Variants in DIAPH3 observed in about 807,000 individuals in gnomAD.
DIAPH3 encodes protein diaphanous homolog 3.
In DIAPH3, 117 loss-of-function variants were observed where a neutral mutation model predicts 144.3. The observed-to-expected ratio is 0.81, with a 90% CI of 0.70 to 0.95. DIAPH3 has a LOEUF of 0.95. DIAPH3 is among the 40% of genes least tolerant of loss of function. DIAPH3 has a pLI of 0.00. For missense variants in DIAPH3, 1,421 were observed against 1,412.7 expected (o/e 1.01, Z -0.09); for synonymous variants, 519 against 488.9 (o/e 1.06, Z -0.81).
chr13:60,137,921 G>A (rs1016140980), intron 1 of DIAPH3, among the ~76,000 whole-genome samples: 5 of 151,546 alleles, frequency 3.3e-5, no homozygotes, highest in South Asian at 2.1e-4. Context: ...ACAGGGTTTC[G>A]CCATGTTGGC....
At chr13:60,126,322 A>T (rs910618642) in intron 2 of DIAPH3, among the ~76,000 whole-genome samples, 15 of 152,234 alleles carry the variant, frequency 9.9e-5, no homozygotes, top group Non-Finnish European at 1.9e-4. Flanking sequence ...GCATATGATT[A>T]TATCAAGTAG....
Position 59,975,557 on chromosome 13 carries a change from G to A in DIAPH3, c.1546-1101C>T, listed in dbSNP as rs148418944. ...TTTTTTGGAGCAGTTTTAGGTTCAC[G>A]GCAAAACTGAGCAGAAAATAGAGAT... On this transcript the variant is annotated intron_variant, in intron 14 of 27. Transcript: ENST00000400324. Among the ~76,000 whole-genome samples, 566 of 151,900 alleles carry A rather than the reference G, an allele frequency of 3.7e-3. 2 individuals carry two copies. The highest frequency in any genetic ancestry group is 0.012 in the African/African-American group (496 of 41,432).
At chr13:59,988,937 TC>T (rs2140789250) in intron 12 of DIAPH3, among the ~76,000 whole-genome samples, 1 of 151,980 alleles carries the variant, frequency 6.6e-6, no homozygotes, top group African/African-American at 2.4e-5. Flanking sequence ...TATTCTCCAA[TC>T]GAATTCCATT....
intron 20 of DIAPH3, among the ~76,000 whole-genome samples, chr13:59,891,373 A>C (rs976413191): frequency 4.6e-5 from 7 of 151,932 alleles, no homozygotes; most frequent in Non-Finnish European, 1.0e-4. Context: ...TGTGCCATAA[A>C]ATTTCAACAC....
chr13:60,128,200 G>A (rs954874000), intron 2 of DIAPH3, among the ~76,000 whole-genome samples: 27 of 152,096 alleles, frequency 1.8e-4, no homozygotes, highest in African/African-American at 6.3e-4. Flanking sequence ...TAAGGATAAT[G>A]GCCTCCAGCT....
chr13:59,906,928 T>C (rs1209316746), intron 20 of DIAPH3, among the ~76,000 whole-genome samples: 1 of 152,152 alleles, frequency 6.6e-6, no homozygotes, highest in Non-Finnish European at 1.5e-5. Flanking sequence ...TAATAGCTTA[T>C]TGATCAAAGA....
chr13:59,747,650 A>G (rs1385438682), intron 27 of DIAPH3, among the ~76,000 whole-genome samples: 2 of 152,288 alleles, frequency 1.3e-5, no homozygotes, highest in African/African-American at 4.8e-5. Flanking sequence ...TAACCTCATG[A>G]GCACCCAGAC....
At chr13:59,927,721 C>T (rs1009324034) in intron 17 of DIAPH3, among the ~76,000 whole-genome samples, 34 of 152,128 alleles carry the variant, frequency 2.2e-4, no homozygotes, top group Non-Finnish European at 4.4e-5. Context: ...CTCTCCTAGT[C>T]TGTAAATTTT....
intron 1 of DIAPH3, among the ~76,000 whole-genome samples, chr13:60,156,162 G>A (rs1171074502): frequency 6.6e-6 from 1 of 152,162 alleles, no homozygotes; most frequent in African/African-American, 2.4e-5. Flanking sequence ...AGCTTCAGAT[G>A]GCTGCATTAC....
intron 25 of DIAPH3, among the ~76,000 whole-genome samples, chr13:59,795,712 C>G (rs1158058128): frequency 6.6e-6 from 1 of 152,060 alleles, no homozygotes; most frequent in East Asian, 1.9e-4. Flanking sequence ...CTCAGCCTCC[C>G]AAAGTGCTGG....
intron 3 of DIAPH3, among the ~76,000 whole-genome samples, chr13:60,100,844 T>C (rs1430671953): frequency 1.3e-5 from 2 of 151,972 alleles, no homozygotes; most frequent in African/African-American, 2.4e-5. Context: ...TATTCGGCTA[T>C]AGTAAATACA....
At chr13:60,156,238 T>C (rs1952016643) in intron 1 of DIAPH3, among the ~76,000 whole-genome samples, 1 of 152,232 alleles carries the variant, frequency 6.6e-6, no homozygotes, top group African/African-American at 2.4e-5. Flanking sequence ...TACATGTGTT[T>C]GCATTTAGGG....
chr13:60,128,685 C>T (rs1449614869), intron 2 of DIAPH3, among the ~76,000 whole-genome samples: 2 of 152,000 alleles, frequency 1.3e-5, no homozygotes, highest in Non-Finnish European at 2.9e-5. Flanking sequence ...CTCATGACTT[C>T]CTCTAGTTTC....
intron 27 of DIAPH3, among the ~76,000 whole-genome samples, chr13:59,701,491 T>A (rs2034112239): frequency 2.0e-5 from 3 of 152,216 alleles, no homozygotes; most frequent in Non-Finnish European, 4.4e-5. Flanking sequence ...AGAGGCCAAG[T>A]GTGTCTTTAT....
chr13:59,864,841 G>C (rs990173034), intron 21 of DIAPH3, among the ~76,000 whole-genome samples: 7 of 151,946 alleles, frequency 4.6e-5, no homozygotes, highest in African/African-American at 1.7e-4. Context: ...GAACAATCTA[G>C]TATTAAAAAG....
intron 5 of DIAPH3, among the ~76,000 whole-genome samples, chr13:60,040,959 G>A (rs146418796): frequency 1.9e-3 from 296 of 152,112 alleles, no homozygotes; most frequent in African/African-American, 6.3e-3. Context: ...GATTACAGGC[G>A]TCTGCCACCA....
chr13:59,686,625 T>A (rs1339868155), intron 27 of DIAPH3, among the ~76,000 whole-genome samples: 4 of 152,108 alleles, frequency 2.6e-5, no homozygotes, highest in Non-Finnish European at 5.9e-5. Flanking sequence ...ATACTTATGT[T>A]TTATACACAT....
chr13:59,882,751 T>C (rs985263773), intron 20 of DIAPH3, among the ~76,000 whole-genome samples: 12 of 152,240 alleles, frequency 7.9e-5, no homozygotes, highest in African/African-American at 2.9e-4. Context: ...AATTTCATTT[T>C]TACAGTTATC....
rs114155771 is a variant in DIAPH3, at chr13:59,681,597, T to G, written c.3320-14751A>C. 1.6e-3 allele frequency among the ~76,000 whole-genome samples: 242 copies of G among 151,384 alleles called. 2 individuals are homozygous for G. The highest frequency in any genetic ancestry group is 5.8e-3 in the African/African-American group (235 of 40,792). On this transcript the variant is annotated intron_variant, in intron 27 of 27. Coordinates refer to ENST00000400324, the MANE Select transcript of DIAPH3 (RefSeq NM_001042517.2). The stretch of plus-strand genomic sequence containing the variant: ...CCAACTTATTAATAAAATAACTGTT[T>G]TAAGTGTTTTTTTTTTCCATTTCAG...
Sources: allele counts gnomAD v4.1 joint callset (sites outside exome capture counted in the v4.1 genomes callset), GRCh38; gene constraint gnomAD v4.1.1; transcripts MANE v1.5; gene names NCBI Gene and HGNC (gene_info 2026-07-23, HGNC 2026-07-21).